Variants in CLCN5 observed in about 807,000 individuals in gnomAD.
CLCN5 encodes Cl-/H+ antiporter 5, also known as H(+)/Cl(-) exchange transporter 5.
Under a neutral mutation model 54.0 loss-of-function variants are expected in CLCN5, and 17 were observed. The ratio of observed to expected loss-of-function variants is 0.31; its 90% CI spans 0.22 to 0.47. The LOEUF (loss-of-function observed/expected upper bound fraction) is 0.47. CLCN5 is among the 20% of genes least tolerant of loss of function. CLCN5 has a pLI of 1.00. For synonymous variants in CLCN5, 222 were observed against 233.0 expected (o/e 0.95, Z 0.43); for missense variants, 448 against 646.7 (o/e 0.69, Z 3.33).
intron 3 of CLCN5, among the ~76,000 whole-genome samples, chrX:49,994,075 G>A (rs1321646345): frequency 1.8e-5 from 2 of 111,972 alleles, no homozygotes; most frequent in African/African-American, 6.5e-5. Flanking sequence ...AAAGAGAATC[G>A]ACATTCTAAG....
intron 3 of CLCN5, among the ~76,000 whole-genome samples, chrX:49,982,841 T>C (rs782119074): frequency 2.7e-5 from 3 of 112,143 alleles, no homozygotes; most frequent in African/African-American, 9.7e-5. Context: ...TTTGTTATTA[T>C]AGACTTTTCC....
intron 3 of CLCN5, among the ~76,000 whole-genome samples, chrX:49,975,358 A>G (rs1054784885): frequency 8.9e-6 from 1 of 111,857 alleles, no homozygotes; most frequent in Non-Finnish European, 1.9e-5. Flanking sequence ...TGGGACATAG[A>G]ATTACCAGAG....
At chrX:50,083,923 CA>C (rs1933799900) in intron 9 of CLCN5, among the ~76,000 whole-genome samples, 2 of 111,943 alleles carry the variant, frequency 1.8e-5, no homozygotes, top group South Asian at 7.5e-4. Flanking sequence ...TAAAAATTGG[CA>C]TTTTTGTTCA....
chrX:49,940,755 G>A (rs921795076), intron 3 of CLCN5, among the ~76,000 whole-genome samples: 1 of 111,658 alleles, frequency 9.0e-6, no homozygotes, highest in Non-Finnish European at 1.9e-5. Flanking sequence ...TCACTTGCTC[G>A]TTAGGGCCAC....
At chrX:49,940,045 A>C (rs944555447) in intron 3 of CLCN5, among the ~76,000 whole-genome samples, 1 of 111,620 alleles carries the variant, frequency 9.0e-6, no homozygotes, top group Non-Finnish European at 1.9e-5. Flanking sequence ...GGAATGAAGT[A>C]TGAATCTTTT....
intron 3 of CLCN5, among the ~76,000 whole-genome samples, chrX:50,011,925 A>G (rs782413485): frequency 9.6e-4 from 107 of 111,252 alleles, no homozygotes; most frequent in Non-Finnish European, 1.7e-3. Context: ...GCACCCAGGC[A>G]AGCATTCCAC....
rs1309704271 is a variant in CLCN5 at position 50,093,506 on chromosome X, AGGTGCT to A, written c.*1288_*1293del. On this transcript the variant is annotated 3_prime_UTR_variant, in exon 15 of 15. Transcript: ENST00000376091. ...TATGGACAAGGCCTGGTGACACCAA[AGGTGCT>A]TGTATCCAATTGAAAAGGTGCCTGT... 8.9e-5 allele frequency: 10 copies of A among 111,887 alleles called. No homozygotes were observed. The highest frequency in any genetic ancestry group is 2.9e-4 in the African/African-American group (9 of 30,662). The allele number at this position is 111,887 out of a possible 1,213,427, so 9.2% of individuals were successfully genotyped here.
In CLCN5 at chrX:50,092,399, A is replaced by G; in HGVS notation, c.*180A>G. 1 of 432,022 alleles carries G rather than the reference A, an allele frequency of 2.3e-6. No individual in the cohort carries two copies. The highest frequency in any genetic ancestry group is 4.1e-6 in the Non-Finnish European group (1 of 246,455). 35.6% of individuals were successfully genotyped at this position (432,022 alleles called of 1,213,427 possible). On this transcript the variant is annotated 3_prime_UTR_variant, in exon 15 of 15. Coordinates refer to ENST00000376091, the MANE Select transcript of CLCN5 (RefSeq NM_001127898.4). ...ATCTCTGGAAATTAATTTTCTCTTT[A>G]GGAGAAATTATAGTTAGGCTTCCAT...
At chrX:50,074,502 G>A (rs1933334063) in intron 6 of CLCN5, among the ~76,000 whole-genome samples, 1 of 111,801 alleles carries the variant, frequency 8.9e-6, no homozygotes, top group East Asian at 2.8e-4. Context: ...GTAATTTTCC[G>A]AATCCAGGCA....
In CLCN5 at chrX:50,096,428, C is replaced by T. The variant is rs979998514; in HGVS notation, c.*4209C>T. ...CTGCCTCCCGGGTCCAAGCAATTCC[C>T]CTGCCTCAGTCTCCCAAGTAGGTGG... On this transcript the variant is annotated 3_prime_UTR_variant, in exon 15 of 15. Coordinates refer to ENST00000376091, the MANE Select transcript of CLCN5 (RefSeq NM_001127898.4). 4 of 111,741 alleles carry T rather than the reference C, an allele frequency of 3.6e-5. No individual in the cohort carries two copies. Among genetic ancestry groups the T allele is most frequent in the Admixed American group, 9.6e-5 (1 of 10,433 alleles). The allele number at this position is 111,741 out of a possible 1,213,427, so 9.2% of individuals were successfully genotyped here.
intron 3 of CLCN5, among the ~76,000 whole-genome samples, chrX:50,003,940 G>A (rs1344966310): frequency 1.8e-5 from 2 of 111,986 alleles, no homozygotes; most frequent in African/African-American, 3.2e-5. Context: ...AACCCAGTTT[G>A]TGAGGAAAAT....
chrX:49,938,076 T>G (rs1048646128), intron 3 of CLCN5, among the ~76,000 whole-genome samples: 3 of 111,558 alleles, frequency 2.7e-5, no homozygotes, highest in Non-Finnish European at 5.6e-5. Flanking sequence ...TTGTGGATGT[T>G]CAGAGACAAG....
chrX:50,084,889 G>A (rs1191198494), intron 9 of CLCN5, among the ~76,000 whole-genome samples: 1 of 111,408 alleles, frequency 9.0e-6, no homozygotes, highest in Non-Finnish European at 1.9e-5. Flanking sequence ...TAGCTACCCC[G>A]ATTCTTTCTG....
chrX:50,045,301 T>C (rs1211664809), intron 4 of CLCN5, among the ~76,000 whole-genome samples: 2 of 111,789 alleles, frequency 1.8e-5, no homozygotes, highest in Non-Finnish European at 3.8e-5. Context: ...ATCTGCCTAC[T>C]TCTACCAAAG....
chrX:50,063,893 A>G (rs1356087747), intron 4 of CLCN5, among the ~76,000 whole-genome samples: 2 of 111,027 alleles, frequency 1.8e-5, no homozygotes, highest in East Asian at 5.6e-4. Context: ...ATATAAACAG[A>G]GCCAAAGACA....
intron 3 of CLCN5, among the ~76,000 whole-genome samples, chrX:49,941,271 A>C (rs1315141304): frequency 2.7e-5 from 3 of 111,015 alleles, no homozygotes; most frequent in Non-Finnish European, 5.7e-5. Context: ...GCAGTAGCCC[A>C]GATCATGCCA....
intron 4 of CLCN5, among the ~76,000 whole-genome samples, chrX:50,052,321 G>A (rs1219846907): frequency 8.9e-6 from 1 of 111,920 alleles, no homozygotes; most frequent in East Asian, 2.8e-4. Context: ...CTATTGTTAT[G>A]CTAGATTACA....
intron 3 of CLCN5, among the ~76,000 whole-genome samples, chrX:50,038,193 T>A (rs1233482355): frequency 9.0e-6 from 1 of 111,682 alleles, no homozygotes; most frequent in African/African-American, 3.2e-5. Context: ...ATTGAAAAAA[T>A]TAGGATTTAT....
chrX:49,977,538 C>G (rs1294574154), intron 3 of CLCN5, among the ~76,000 whole-genome samples: 3 of 111,516 alleles, frequency 2.7e-5, no homozygotes, highest in African/African-American at 9.8e-5. Flanking sequence ...AGTGTAATTT[C>G]CACAGTGACA....
Sources: allele counts gnomAD v4.1 joint callset (sites outside exome capture counted in the v4.1 genomes callset), GRCh38; gene constraint gnomAD v4.1.1; transcripts MANE v1.5; gene names NCBI Gene and HGNC (gene_info 2026-07-23, HGNC 2026-07-21).